LAMB1: variants seen among roughly 807,000 people sequenced by gnomAD.
The protein encoded by LAMB1 is laminin subunit beta 1.
LAMB1 carries 121 observed loss-of-function variants against 222.3 expected under a neutral mutation model. The ratio of observed to expected loss-of-function variants is 0.54; its 90% confidence interval spans 0.47 to 0.63. LAMB1 has a LOEUF of 0.63. Among genes scored for constraint, LAMB1 ranks in the 30% least tolerant of loss-of-function variants. The pLI, the probability that LAMB1 is intolerant of heterozygous loss-of-function variation, is 0.00. For synonymous variants in LAMB1, 794 were observed against 807.2 expected (o/e 0.98, Z 0.28); for missense variants, 2,172 against 2,240.8 (o/e 0.97, Z 0.62).
At chr7:107,967,531 ATCC>A (rs1449232398) in intron 13 of LAMB1, among the ~76,000 whole-genome samples, 9 of 151,934 alleles carry the variant, frequency 5.9e-5, no homozygotes, top group African/African-American at 2.2e-4. Flanking sequence ...TCCATAACCC[ATCC>A]TCTGAAAACG....
rs768179016 is a variant in LAMB1 at position 107,963,027 on chromosome 7, G to A, written c.1735C>T (p.Arg579Trp). 31 of 1,613,650 alleles carry A rather than the reference G, an allele frequency of 1.9e-5. No individual in the cohort carries two copies. Among genetic ancestry groups the A allele is most frequent in the Admixed American group, 5.0e-5 (3 of 59,974 alleles). ...SIVERQYIQDRIPSWTGAGFV... is the reference protein window; with the variant it reads ...SIVERQYIQDWIPSWTGAGFV... ...CCGGCTCCAGTCCAGGAGGGAATCC[G>A]GTCCTGGATATATTGCCGCTCCACT... The change falls in exon 15 of 34, where the codon CGG (arginine) becomes TGG (tryptophan). Residue 579 changes from arginine (R) to tryptophan (W), a missense_variant. Arg to Trp is a moderately radical substitution (Grantham distance 101). Coordinates refer to ENST00000222399, the MANE Select transcript of LAMB1 (RefSeq NM_002291.3).
At chr7:107,951,837 G>T (rs573963130) in intron 23 of LAMB1, among the ~76,000 whole-genome samples, 172 bp downstream of exon 23, 1 of 152,168 alleles carries the variant, frequency 6.6e-6, no homozygotes, top group Admixed American at 6.5e-5. Context: ...GTCTGATGGG[G>T]ACTCTGTGCA....
In LAMB1 at chr7:107,975,797, C is replaced by T. The variant is rs1258805799; in HGVS notation, c.1081G>A (p.Val361Met). 5.6e-6 allele frequency: 9 copies of T among 1,613,982 alleles called. No individual in the cohort carries two copies. Among genetic ancestry groups the T allele is most frequent in the South Asian group, 2.2e-5 (2 of 91,072 alleles). The change falls in exon 10 of 34, where the codon GTG becomes ATG. Residue 361 changes from valine (V) to methionine (M), a missense_variant. Physicochemically the swap from Val to Met is conservative, Grantham distance 21 (BLOSUM62 1). Transcript: ENST00000222399. ...GTGTTGTGCTGACAGTCATCACACA[C>T]GCCTCCGCTGACGTTCCCCGTGGCC... ...YLATGNVSGGVCDDCQHNTMG... is the reference protein window; with the variant it reads ...YLATGNVSGGMCDDCQHNTMG...
chr7:107,940,243 G>A lies in LAMB1; in HGVS notation c.3507C>T (p.Tyr1169=). 1.2e-6 allele frequency: 2 copies of A among 1,614,198 alleles called. No homozygotes were observed. Among genetic ancestry groups the A allele is most frequent in the Non-Finnish European group, 1.7e-6 (2 of 1,180,034 alleles). Residue 1169 remains tyrosine, a synonymous_variant, in exon 25 of 34, where the codon TAC becomes TAT. Coordinates refer to ENST00000222399, the MANE Select transcript of LAMB1 (RefSeq NM_002291.3). ...GTGTGCAGTCAGGGAAGACCCCCGA[G>A]TACCCTCGCGTGCACTTGTCACAGC... is the stretch of plus-strand genomic sequence containing the variant. The part of the protein sequence containing the change: ...GPRCDKCTRG[Y]SGVFPDCTPC...
At chr7:108,000,775 C>G (rs532177428) in intron 3 of LAMB1, among the ~76,000 whole-genome samples, 10 of 152,292 alleles carry the variant, frequency 6.6e-5, no homozygotes, top group Middle Eastern at 3.4e-3. Context: ...CACTTGGGCT[C>G]CAGTGATCCT....
intron 12 of LAMB1, among the ~76,000 whole-genome samples, chr7:107,973,840 C>T (rs912867154): frequency 4.6e-5 from 7 of 151,998 alleles, no homozygotes; most frequent in Non-Finnish European, 8.8e-5. Context: ...GTAGAGATGG[C>T]GTTTCATCAT....
chr7:107,925,565 G>A (rs894118882), intron 32 of LAMB1, among the ~76,000 whole-genome samples: 3 of 151,946 alleles, frequency 2.0e-5, no homozygotes, highest in African/African-American at 7.3e-5. Context: ...CCACCCCGGC[G>A]CCACCAAGTT....
rs1314889130 is a variant in LAMB1, at chr7:108,003,158, G to A, written c.-134C>T. The A allele has an allele frequency of 1.2e-5, 7 of 567,780 alleles. No homozygotes were observed. Among genetic ancestry groups the A allele is most frequent in the African/African-American group, 7.7e-5 (4 of 52,120 alleles). The allele number at this position is 567,780 out of a possible 1,614,324, so 35.2% of individuals were successfully genotyped here. On this transcript the variant is annotated 5_prime_UTR_variant, in exon 1 of 34. Transcript: ENST00000222399. ...TGCTCCGGGAGCCCCCGAGCCCAAA[G>A]AAGGGAATTAGAAAGTTTAGCCTTG...
intron 12 of LAMB1, among the ~76,000 whole-genome samples, chr7:107,974,382 A>G (rs2033810704): frequency 6.6e-6 from 1 of 151,974 alleles, no homozygotes; most frequent in South Asian, 2.1e-4. Flanking sequence ...TATAGCAAGC[A>G]GCATGAGCAT....
chr7:107,996,488 C>T (rs886103521), intron 4 of LAMB1, among the ~76,000 whole-genome samples: 1 of 152,202 alleles, frequency 6.6e-6, no homozygotes, highest in African/African-American at 2.4e-5. Flanking sequence ...GTGCACAACA[C>T]ACAGAAAATA....
intron 33 of LAMB1, 51 bp downstream of exon 33, chr7:107,924,179 T>A: frequency 6.4e-7 from 1 of 1,555,216 alleles, no homozygotes; most frequent in Non-Finnish European, 8.6e-7. Context: ...TTAAATAAAC[T>A]ATGGATGCCT....
chr7:107,990,710 T>C (rs1453853392), intron 5 of LAMB1, among the ~76,000 whole-genome samples: 1 of 152,232 alleles, frequency 6.6e-6, no homozygotes, highest in Non-Finnish European at 1.5e-5. Context: ...GATTTTAAAG[T>C]ATCCAAATGA....
chr7:107,989,003 C>T (rs1217105464), intron 5 of LAMB1, among the ~76,000 whole-genome samples: 1 of 152,176 alleles, frequency 6.6e-6, no homozygotes, highest in Non-Finnish European at 1.5e-5. Context: ...AATTGAGGCT[C>T]GGAGACACTG....
chr7:107,932,899 A>G (rs1252814047), intron 27 of LAMB1, among the ~76,000 whole-genome samples: 1 of 152,242 alleles, frequency 6.6e-6, no homozygotes, highest in Admixed American at 6.5e-5. Flanking sequence ...GGTCAGATGC[A>G]GTCACTATGA....
chr7:107,924,634 AT>A (rs1374770795), intron 32 of LAMB1, among the ~76,000 whole-genome samples: 2 of 152,198 alleles, frequency 1.3e-5, no homozygotes, highest in African/African-American at 4.8e-5. Context: ...CATTCTCCTG[AT>A]TATTACTTTT....
chr7:107,938,666 C>A (rs2032907478), intron 25 of LAMB1, among the ~76,000 whole-genome samples: 1 of 152,126 alleles, frequency 6.6e-6, no homozygotes, highest in African/African-American at 2.4e-5. Context: ...ATGCCTAAGA[C>A]CCAGGCCAAG....
At chr7:107,987,396 C>A (rs2034099790) in intron 5 of LAMB1, among the ~76,000 whole-genome samples, 1 of 152,056 alleles carries the variant, frequency 6.6e-6, no homozygotes, top group Non-Finnish European at 1.5e-5. Flanking sequence ...ATACCTAACA[C>A]CATTGATTTA....
chr7:107,944,238 T>C (rs1278019764), intron 24 of LAMB1, among the ~76,000 whole-genome samples: 1 of 152,198 alleles, frequency 6.6e-6, no homozygotes, highest in Non-Finnish European at 1.5e-5. Flanking sequence ...CATTTTTCAT[T>C]TATTTCGTTG....
At chr7:107,954,046 C>T (rs1222035312) in intron 21 of LAMB1, among the ~76,000 whole-genome samples, 1 of 152,146 alleles carries the variant, frequency 6.6e-6, no homozygotes, top group Non-Finnish European at 1.5e-5. Context: ...CGGCTGTGGA[C>T]AGTTAGGTCC....
Sources: allele counts gnomAD v4.1 joint callset (sites outside exome capture counted in the v4.1 genomes callset), GRCh38; gene constraint gnomAD v4.1.1; transcripts MANE v1.5; gene names NCBI Gene and HGNC (gene_info 2026-07-23, HGNC 2026-07-21).